DNAJC27: variants seen among roughly 807,000 people sequenced by gnomAD.
The protein encoded by DNAJC27 is DnaJ heat shock protein family (Hsp40) member C27, also known as dnaJ homolog subfamily C member 27.
A neutral mutation model predicts 31.4 loss-of-function variants in DNAJC27; 25 were observed. The observed-to-expected ratio is 0.80, with a 90% CI of 0.58 to 1.11. DNAJC27 has a LOEUF of 1.11. Ranked by LOEUF, DNAJC27 falls within the 50% of genes most tolerant of loss-of-function variation. The pLI is 0.00. For synonymous variants in DNAJC27, 106 were observed against 112.7 expected (o/e 0.94, Z 0.37); for missense variants, 356 against 347.3 (o/e 1.02, Z -0.20).
intron 6 of DNAJC27, 126 bp from the exon 7 acceptor site, chr2:24,947,874 G>T: frequency 8.8e-7 from 1 of 1,132,900 alleles, no homozygotes; most frequent in Non-Finnish European, 1.2e-6. Flanking sequence ...TTTCTCAAAG[G>T]CAGGATTAAA....
rs1233744517 is a variant in DNAJC27 at position 24,947,832 on chromosome 2, T to C, written c.690-84A>G. On this transcript the variant is annotated intron_variant, in intron 6 of 6. Coordinates refer to ENST00000264711, the MANE Select transcript of DNAJC27 (RefSeq NM_016544.3). ...TAGCTGTTTGGACACACATAGTATC[T>C]CTTACAGTGAACATATCCTAAATTA... 16 of 1,449,800 alleles carry C rather than the reference T, an allele frequency of 1.1e-5. No homozygotes were observed. In the Admixed American group the frequency reaches 2.7e-4, roughly 25 times the overall value. 89.8% of individuals were successfully genotyped at this position (1,449,800 alleles called of 1,614,324 possible). A position where few individuals can be genotyped will look rare whatever the true frequency, so the allele number is the denominator to read the frequency against.
intron 1 of DNAJC27, among the ~76,000 whole-genome samples, chr2:24,970,130 G>A (rs1666291503): frequency 6.6e-6 from 1 of 152,096 alleles, no homozygotes; most frequent in African/African-American, 2.4e-5. Context: ...TGTTGTAACT[G>A]TAAATTAAAA....
chr2:24,951,935 C>T (rs1252952058), intron 5 of DNAJC27, among the ~76,000 whole-genome samples: 1 of 152,018 alleles, frequency 6.6e-6, no homozygotes, highest in Admixed American at 6.6e-5. Flanking sequence ...ATGGCAAACC[C>T]ACGTCTCCAC....
chr2:24,949,615 G>T (rs1196238043), intron 6 of DNAJC27, among the ~76,000 whole-genome samples: 2 of 152,300 alleles, frequency 1.3e-5, no homozygotes, highest in East Asian at 3.9e-4. Flanking sequence ...TATAAAATTA[G>T]TTTGCTAGGC....
Position 24,957,920 on chromosome 2 carries a change from C to T in DNAJC27, c.295G>A (p.Gly99Arg), listed in dbSNP as rs1196978162. ...TQGVILVYDV[G>R]QKDSFDALDA... The stretch of plus-strand genomic sequence containing the variant: ...AGGGCGTCAAAGGAGTCTTTCTGCC[C>T]AACATCATAGACCAGTATCACACCC... Residue 99 changes from glycine (G) to arginine (R), a missense_variant, in exon 4 of 7, where the codon GGG (glycine) becomes AGG (arginine). Transcript: ENST00000264711. The T allele has an allele frequency of 1.2e-6, 2 of 1,614,170 alleles. No individual in the cohort carries two copies. The highest frequency in any genetic ancestry group is 2.2e-5 in the South Asian group (2 of 91,082).
intron 4 of DNAJC27, among the ~76,000 whole-genome samples, chr2:24,957,528 C>T (rs985672530): frequency 6.6e-5 from 10 of 152,056 alleles, no homozygotes; most frequent in African/African-American, 2.4e-4. Flanking sequence ...GCCCCTACTC[C>T]AGTCGGGTCA....
intron 3 of DNAJC27, among the ~76,000 whole-genome samples, chr2:24,962,468 C>A (rs889969067): frequency 6.6e-6 from 1 of 152,112 alleles, no homozygotes; most frequent in African/African-American, 2.4e-5. Flanking sequence ...GTTGGCCAGG[C>A]TGGTCTCGAA....
intron 3 of DNAJC27, among the ~76,000 whole-genome samples, chr2:24,958,328 A>G (rs1002293209): frequency 4.6e-5 from 7 of 152,230 alleles, no homozygotes; most frequent in African/African-American, 1.4e-4. Context: ...GAGCAATTCA[A>G]AAGAACTTAA....
intron 5 of DNAJC27, among the ~76,000 whole-genome samples, chr2:24,955,434 A>T (rs1665881794): frequency 6.6e-6 from 1 of 152,196 alleles, no homozygotes. Flanking sequence ...ATGGTCTAAT[A>T]TACATGTAAT....
intron 3 of DNAJC27, chr2:24,963,001 A>G (rs59505672): frequency 6.4e-6 from 1 of 156,340 alleles, no homozygotes; most frequent in East Asian, 1.9e-4. Flanking sequence ...TCTTCTCTGG[A>G]AAGAATGCAG....
rs142148817 is a variant in DNAJC27, at chr2:24,963,421, T to C, written c.224A>G (p.His75Arg). Residue 75 changes from histidine to arginine, a missense_variant, in exon 3 of 7, where the codon CAT becomes CGT. His to Arg is a conservative substitution (Grantham distance 29). Coordinates refer to ENST00000264711, the MANE Select transcript of DNAJC27 (RefSeq NM_016544.3). ...IKVNIFDMAGHPFFYEVRNEF... is the reference protein window; with the variant it reads ...IKVNIFDMAGRPFFYEVRNEF... Reference sequence around the variant, plus strand: ...CTTTCTTACCTCATAGAAGAAGGGATGTCCAGCCATATCAAAGATGTTAAC... The same window carrying C: ...CTTTCTTACCTCATAGAAGAAGGGACGTCCAGCCATATCAAAGATGTTAAC... 1.1e-5 allele frequency: 18 copies of C among 1,613,850 alleles called. No individual in the cohort carries two copies. In the African/African-American group the frequency reaches 1.9e-4, roughly 17 times the overall value.
intron 5 of DNAJC27, among the ~76,000 whole-genome samples, chr2:24,952,367 G>T (rs1042648741): frequency 6.6e-6 from 1 of 152,048 alleles, no homozygotes. Context: ...TTAGCACCTT[G>T]TATTTTTTTC....
intron 3 of DNAJC27, 21 bp from the exon 4 acceptor site, chr2:24,957,995 AC>A: frequency 6.2e-7 from 1 of 1,603,926 alleles, no homozygotes; most frequent in Non-Finnish European, 8.5e-7. Context: ...AAGGACAGAT[AC>A]ACAAAACGTA....
At chr2:24,958,000 A>G in intron 3 of DNAJC27, 26 bp from the exon 4 acceptor site, 1 of 1,601,370 alleles carries the variant, frequency 6.2e-7, no homozygotes, top group South Asian at 1.1e-5. Context: ...CAGATACACA[A>G]AACGTAGTTT....
rs1665617011 is a variant in DNAJC27 at position 24,945,149 on chromosome 2, T to A, written c.*2467A>T. 1 of 152,218 alleles carries A rather than the reference T, an allele frequency of 6.6e-6. No individual in the cohort carries two copies. The highest frequency in any genetic ancestry group is 1.5e-5 in the Non-Finnish European group (1 of 68,040). 9.4% of individuals were successfully genotyped at this position (152,218 alleles called of 1,614,324 possible). A position where few individuals can be genotyped will look rare whatever the true frequency, so the allele number is the denominator to read the frequency against. ...AGTTAGTGCCAAAAAAACCTTTCCA[T>A]TGCAGATCATGCTTTATTTCTTAAT... On this transcript the variant is annotated 3_prime_UTR_variant, in exon 7 of 7. Coordinates refer to ENST00000264711, the MANE Select transcript of DNAJC27 (RefSeq NM_016544.3).
intron 6 of DNAJC27, among the ~76,000 whole-genome samples, chr2:24,948,877 C>G (rs1031539055): frequency 2.0e-5 from 3 of 152,198 alleles, no homozygotes; most frequent in African/African-American, 7.2e-5. Context: ...ATCCTATAAG[C>G]TATATGGTGC....
chr2:24,970,946 C>A (rs1666319273), intron 1 of DNAJC27, among the ~76,000 whole-genome samples: 1 of 152,232 alleles, frequency 6.6e-6, no homozygotes, highest in South Asian at 2.1e-4. Flanking sequence ...GCCTTAACAG[C>A]TCTTTCGGAG....
chr2:24,971,845 G>A lies in DNAJC27; in HGVS notation c.60C>T (p.Ile20=), dbSNP rs1168490559. The stretch of plus-strand genomic sequence containing the variant: ...TCCCCACTTCGGCGTTGCCCATGGA[G>A]ATGACTTTGATGCGGAGAGACCTGC... ...EPGRSLRIKV[I]SMGNAEVGKS... Residue 20 remains isoleucine, a synonymous_variant, in exon 1 of 7, where the codon ATC becomes ATT. Transcript: ENST00000264711. 1.2e-6 allele frequency: 2 copies of A among 1,609,498 alleles called. No individual in the cohort carries two copies.
intron 5 of DNAJC27, 95 bp from the exon 6 acceptor site, chr2:24,951,649 G>A (rs1665777231): frequency 3.6e-6 from 4 of 1,097,652 alleles, no homozygotes; most frequent in African/African-American, 3.2e-5. Flanking sequence ...ATATATTCCA[G>A]CAACTCTTAG....
Sources: gnomAD v4.1 joint callset for allele counts (sites outside exome capture counted in the v4.1 genomes callset) on GRCh38, gnomAD v4.1.1 for gene constraint, MANE v1.5 for transcripts, NCBI Gene and HGNC (gene_info 2026-07-23, HGNC 2026-07-21) for gene names.